Variants in TUSC3 observed in about 807,000 individuals in gnomAD.
TUSC3 encodes dolichyl-diphosphooligosaccharide--protein glycosyltransferase subunit TUSC3.
TUSC3 carries 45 observed loss-of-function variants against 44.8 expected under a neutral mutation model. That is an observed-to-expected ratio of 1.00 (90% CI 0.79 to 1.29). TUSC3 has a LOEUF of 1.29. Ranked by LOEUF, TUSC3 falls within the 50% of genes most tolerant of loss-of-function variation. The probability of loss-of-function intolerance (pLI) is 0.00; values close to 1 mark genes in which losing one functional copy is unlikely to be tolerated. For synonymous variants in TUSC3, 212 were observed against 152.9 expected, an observed-to-expected ratio of 1.39 and a Z score of -2.85; for missense variants, 519 against 437.9, an observed-to-expected ratio of 1.19 and a Z score of -1.65.
chr8:15,730,891 T>A (rs1432426380), intron 7 of TUSC3, among the ~76,000 whole-genome samples, 162 bp downstream of exon 7: 1 of 152,164 alleles, frequency 6.6e-6, no homozygotes, highest in Non-Finnish European at 1.5e-5. Flanking sequence ...TTATTTCCTA[T>A]TACGGTATAA....
intron 5 of TUSC3, among the ~76,000 whole-genome samples, chr8:15,667,033 C>A (rs890566155): frequency 4.0e-5 from 6 of 151,454 alleles, no homozygotes; most frequent in African/African-American, 1.5e-4. Context: ...ATGTTCTTGG[C>A]TGAGTTTTTG....
intron 2 of TUSC3, among the ~76,000 whole-genome samples, chr8:15,485,274 A>T (rs966626714): frequency 1.3e-5 from 2 of 152,192 alleles, no homozygotes; most frequent in Admixed American, 1.3e-4. Flanking sequence ...TACTTCTTCT[A>T]TAATTCCACC....
chr8:15,723,903 G>T lies in TUSC3; in HGVS notation c.799-6763G>T, dbSNP rs17612429. Among the ~76,000 whole-genome samples the T allele has an allele frequency of 3.3e-3, 499 of 152,238 alleles. 7 individuals carry two copies. The East Asian group carries it at 0.035, about 11-fold the overall frequency. On this transcript the variant is annotated intron_variant, in intron 6 of 10. Transcript: ENST00000503731. Reference sequence around the variant, plus strand: ...ACATTCCCACTAGCTGATAGGTTTTGAAGTGCTATCTTATTCACTTAGAAT... The same window carrying T: ...ACATTCCCACTAGCTGATAGGTTTTTAAGTGCTATCTTATTCACTTAGAAT...
the TUSC3 span, among the ~76,000 whole-genome samples, chr8:15,802,562 C>T: frequency 6.6e-6 from 1 of 152,134 alleles, no homozygotes; most frequent in Admixed American, 6.5e-5. Flanking sequence ...GCTAGGATTA[C>T]AGGTGCACGC....
intron 8 of TUSC3, among the ~76,000 whole-genome samples, chr8:15,748,036 ATGTTT>A (rs1322393925): frequency 6.6e-6 from 1 of 152,062 alleles, no homozygotes; most frequent in Non-Finnish European, 1.5e-5. Flanking sequence ...GGTTTATAAC[ATGTTT>A]TGTTTTGATC....
chr8:15,512,509 A>C (rs1036727000), intron 2 of TUSC3, among the ~76,000 whole-genome samples: 1 of 152,232 alleles, frequency 6.6e-6, no homozygotes, highest in African/African-American at 2.4e-5. Flanking sequence ...ACGGTGGCTC[A>C]CACCTGTAAT....
intron 1 of TUSC3, among the ~76,000 whole-genome samples, chr8:15,464,838 T>C (rs1800393569): frequency 6.6e-6 from 1 of 152,144 alleles, no homozygotes; most frequent in African/African-American, 2.4e-5. Flanking sequence ...TGATAACTTC[T>C]TGGAATCCTT....
At chr8:15,487,249 A>G (rs1390247099) in intron 2 of TUSC3, among the ~76,000 whole-genome samples, 1 of 152,178 alleles carries the variant, frequency 6.6e-6, no homozygotes, top group Non-Finnish European at 1.5e-5. Context: ...TAATCTGAAA[A>G]TATTAACTTT....
intron 9 of TUSC3, among the ~76,000 whole-genome samples, chr8:15,753,039 T>A (rs1389724651): frequency 1.3e-5 from 2 of 152,008 alleles, no homozygotes; most frequent in Non-Finnish European, 2.9e-5. Flanking sequence ...TAAACAAATT[T>A]AAGTAATTTT....
intron 1 of TUSC3, among the ~76,000 whole-genome samples, chr8:15,449,523 C>G (rs924429649): frequency 6.6e-6 from 1 of 152,038 alleles, no homozygotes; most frequent in Non-Finnish European, 1.5e-5. Context: ...CAGCTTCAGG[C>G]AGTTGGTTAA....
At chr8:15,679,293 C>T (rs1177034025) in intron 6 of TUSC3, among the ~76,000 whole-genome samples, 4 of 151,964 alleles carry the variant, frequency 2.6e-5, no homozygotes, top group South Asian at 2.1e-4. Flanking sequence ...TCTGTAATAG[C>T]CGTTCTGACT....
chr8:15,727,675 T>C (rs1040824383), intron 6 of TUSC3, among the ~76,000 whole-genome samples: 1 of 152,194 alleles, frequency 6.6e-6, no homozygotes, highest in Non-Finnish European at 1.5e-5. Flanking sequence ...AGTTCACTTG[T>C]GAAAAGGAAA....
At chr8:15,532,572 T>TG (rs1164750664) in intron 2 of TUSC3, among the ~76,000 whole-genome samples, 2 of 152,144 alleles carry the variant, frequency 1.3e-5, no homozygotes, top group Non-Finnish European at 2.9e-5. Context: ...AAAAAGGGTG[T>TG]GGGCAGATAA....
chr8:15,440,291 C>A (rs1219358893), intron 1 of TUSC3, among the ~76,000 whole-genome samples: 1 of 152,170 alleles, frequency 6.6e-6, no homozygotes, highest in African/African-American at 2.4e-5. Context: ...GGGAGTATGA[C>A]AGATCCAACA....
intron 1 of TUSC3, among the ~76,000 whole-genome samples, chr8:15,584,322 G>A (rs113098934): frequency 6.6e-6 from 1 of 152,050 alleles, no homozygotes; most frequent in South Asian, 2.1e-4. Context: ...TTCTTCCCCC[G>A]CTTTTTTGTA....
At position 15,454,155 on chromosome 8, in the gene TUSC3, C is replaced by T. The variant is rs534074937; in HGVS notation, n.92-29231C>T. Among the ~76,000 whole-genome samples the T allele has an allele frequency of 3.3e-5, 5 of 152,270 alleles. No homozygotes were observed. In the East Asian group the frequency reaches 9.7e-4, roughly 29 times the overall value. ...GGGAAGAATCAAGGGAGAAGGGACA[C>T]AAGACCCCGGAAGCATGACAGCATA... On this transcript the variant is annotated intron_variant and non_coding_transcript_variant, in intron 1 of 5. Transcript: ENST00000503191.
chr8:15,638,114 G>A (rs1180472296), intron 2 of TUSC3, among the ~76,000 whole-genome samples: 1 of 152,084 alleles, frequency 6.6e-6, no homozygotes, highest in Admixed American at 6.5e-5. Context: ...TGTTCTCAGT[G>A]TTTTCAAATT....
intron 1 of TUSC3, among the ~76,000 whole-genome samples, chr8:15,553,114 C>G (rs1460250174): frequency 6.6e-6 from 1 of 151,642 alleles, no homozygotes; most frequent in Non-Finnish European, 1.5e-5. Flanking sequence ...AGGAAGATAA[C>G]ATGTTCGTGT....
intron 1 of TUSC3, among the ~76,000 whole-genome samples, chr8:15,431,567 T>G (rs539173673): frequency 2.0e-5 from 3 of 150,996 alleles, no homozygotes; most frequent in Non-Finnish European, 2.9e-5. Flanking sequence ...GATTTAACAG[T>G]GCTTGGCAAA....
Sources: allele counts gnomAD v4.1 joint callset (sites outside exome capture counted in the v4.1 genomes callset), GRCh38; gene constraint gnomAD v4.1.1; transcripts MANE v1.5; gene names NCBI Gene and HGNC (gene_info 2026-07-23, HGNC 2026-07-21).